Variants in NELL1 observed in about 807,000 individuals in gnomAD.
NELL1 encodes the protein neural EGFL like 1.
In NELL1, 76 loss-of-function variants were observed where a neutral mutation model predicts 107.4. That is an observed-to-expected ratio of 0.71 (90% confidence interval 0.59 to 0.86). The LOEUF (loss-of-function observed/expected upper bound fraction) is 0.86, where lower values mean the gene tolerates loss of function less well. Among genes scored for constraint, NELL1 ranks in the 40% least tolerant of loss-of-function variants. The pLI is 0.00. For synonymous variants in NELL1, 353 were observed against 341.2 expected (o/e 1.03, Z -0.38); for missense variants, 1,024 against 1,005.5 (o/e 1.02, Z -0.25).
intron 15 of NELL1, among the ~76,000 whole-genome samples, chr11:21,417,168 T>G (rs1473578230): frequency 6.6e-6 from 1 of 152,064 alleles, no homozygotes; most frequent in Non-Finnish European, 1.5e-5. Flanking sequence ...GAGTGTTTGC[T>G]GCTGCTTCTT....
At chr11:21,160,670 A>T (rs1856344230) in intron 13 of NELL1, among the ~76,000 whole-genome samples, 1 of 152,154 alleles carries the variant, frequency 6.6e-6, no homozygotes, top group Non-Finnish European at 1.5e-5. Flanking sequence ...AAAATAATTT[A>T]TTTTTGAATA....
At chr11:20,763,381 ATG>A (rs762227159) in intron 2 of NELL1, among the ~76,000 whole-genome samples, 2 of 152,166 alleles carry the variant, frequency 1.3e-5, no homozygotes, top group Non-Finnish European at 2.9e-5. Context: ...GCATGATCAC[ATG>A]TGTTAATATT....
At chr11:20,803,268 G>T (rs1482695891) in intron 3 of NELL1, among the ~76,000 whole-genome samples, 1 of 151,968 alleles carries the variant, frequency 6.6e-6, no homozygotes, top group African/African-American at 2.4e-5. Context: ...TTCATATTTT[G>T]GGTTTCTTCA....
At chr11:21,360,323 C>G (rs1424782959) in intron 14 of NELL1, among the ~76,000 whole-genome samples, 1 of 152,046 alleles carries the variant, frequency 6.6e-6, no homozygotes, top group Non-Finnish European at 1.5e-5. Context: ...GAGTTGACTT[C>G]CAGTTTTATT....
At chr11:20,751,174 C>CTT (rs796081258) in intron 2 of NELL1, among the ~76,000 whole-genome samples, 1 of 146,096 alleles carries the variant, frequency 6.8e-6, no homozygotes, top group African/African-American at 2.5e-5. Context: ...AGAATTCCAA[C>CTT]TTTTTTTTTT....
chr11:21,358,719 TTTGTTG>T (rs34509053), intron 14 of NELL1, among the ~76,000 whole-genome samples: 10 of 149,024 alleles, frequency 6.7e-5, no homozygotes, highest in South Asian at 4.3e-4. Context: ...GCCCGGCCTT[TTTGTTG>T]TTGTTGTTGT....
At chr11:21,224,726 C>G (rs1227632559) in intron 13 of NELL1, among the ~76,000 whole-genome samples, 2 of 152,160 alleles carry the variant, frequency 1.3e-5, no homozygotes, top group African/African-American at 4.8e-5. Context: ...TCTGCTTGAA[C>G]TAGCCTATTA....
intron 15 of NELL1, among the ~76,000 whole-genome samples, chr11:21,416,681 A>G (rs1033405195): frequency 6.6e-6 from 1 of 152,090 alleles, no homozygotes; most frequent in Non-Finnish European, 1.5e-5. Flanking sequence ...CAAAAAACAC[A>G]TGTAACAGCA....
At chr11:20,849,988 A>G (rs951923130) in intron 4 of NELL1, among the ~76,000 whole-genome samples, 33 of 152,162 alleles carry the variant, frequency 2.2e-4, no homozygotes, top group African/African-American at 7.7e-4. Context: ...TGGTGAATGG[A>G]CTGGCATTTC....
At chr11:21,568,688 G>A (rs555231230) in intron 17 of NELL1, among the ~76,000 whole-genome samples, 2 of 151,128 alleles carry the variant, frequency 1.3e-5, no homozygotes, top group East Asian at 3.9e-4. Flanking sequence ...CTTAACCTAG[G>A]TCTCCACAGG....
intron 5 of NELL1, among the ~76,000 whole-genome samples, chr11:20,914,829 G>T (rs1850210391): frequency 6.6e-6 from 1 of 151,924 alleles, no homozygotes. Context: ...AGGTAATCTG[G>T]TCCTAGATAA....
chr11:20,864,276 C>T (rs891921489), intron 4 of NELL1, among the ~76,000 whole-genome samples: 1 of 152,174 alleles, frequency 6.6e-6, no homozygotes, highest in African/African-American at 2.4e-5. Context: ...AGCTAATTAA[C>T]AGATGCATTC....
intron 13 of NELL1, among the ~76,000 whole-genome samples, chr11:21,161,218 T>C (rs551209718): frequency 6.6e-6 from 1 of 152,278 alleles, no homozygotes; most frequent in East Asian, 1.9e-4. Context: ...TTATTTCTTT[T>C]GGTCATCATT....
At chr11:20,841,489 G>A (rs529378014) in intron 3 of NELL1, among the ~76,000 whole-genome samples, 1 of 152,218 alleles carries the variant, frequency 6.6e-6, no homozygotes, top group East Asian at 1.9e-4. Flanking sequence ...AGGCTGATAA[G>A]GAGTCAGGAG....
Position 21,146,253 on chromosome 11 carries a change from A to G in NELL1, c.1426+32539A>G, listed in dbSNP as rs141467652. On this transcript the variant is annotated intron_variant, in intron 13 of 19. Transcript: ENST00000357134. ...AAGAAAAAAAACATTTTATTCCTGA[A>G]TAGTTAAAAAAAAAAATGACCAATG... Among the ~76,000 whole-genome samples, 386 of 147,422 alleles carry G rather than the reference A, an allele frequency of 2.6e-3. 2 individuals carry two copies. The highest frequency in any genetic ancestry group is 8.1e-3 in the African/African-American group (316 of 38,940).
At chr11:20,722,709 GAAAT>G (rs1855419406) in intron 2 of NELL1, among the ~76,000 whole-genome samples, 3 of 152,156 alleles carry the variant, frequency 2.0e-5, no homozygotes, top group Admixed American at 2.0e-4. Flanking sequence ...CAGAGTCAGA[GAAAT>G]AAAGCAGAGA....
chr11:21,026,520 C>T (rs1343296517), intron 12 of NELL1, among the ~76,000 whole-genome samples: 1 of 152,098 alleles, frequency 6.6e-6, no homozygotes, highest in Admixed American at 6.5e-5. Flanking sequence ...GTCTCCACAG[C>T]AATCATCACT....
intron 12 of NELL1, among the ~76,000 whole-genome samples, chr11:20,992,373 T>C (rs1004514153): frequency 6.6e-6 from 1 of 152,252 alleles, no homozygotes; most frequent in Non-Finnish European, 1.5e-5. Flanking sequence ...CGTTTTTGGG[T>C]ATTTTGTTGT....
intron 10 of NELL1, among the ~76,000 whole-genome samples, chr11:20,939,564 C>A (rs932748208): frequency 6.6e-6 from 1 of 152,030 alleles, no homozygotes; most frequent in African/African-American, 2.4e-5. Flanking sequence ...GATCATATGT[C>A]CAAGCTCTGA....
Sources: gnomAD v4.1 joint callset for allele counts (sites outside exome capture counted in the v4.1 genomes callset) on GRCh38, gnomAD v4.1.1 for gene constraint, MANE v1.5 for transcripts, NCBI Gene and HGNC (gene_info 2026-07-23, HGNC 2026-07-21) for gene names.